NRG3: variants seen among roughly 807,000 people sequenced by gnomAD.
NRG3 encodes pro-neuregulin-3, membrane-bound isoform.
Under a neutral mutation model 66.9 loss-of-function variants are expected in NRG3, and 31 were observed. The observed-to-expected ratio is 0.46, with a 90% confidence interval of 0.35 to 0.63. The LOEUF is 0.63. Ranked by LOEUF, NRG3 falls within the 20% of genes least tolerant of loss-of-function variation. NRG3 has a pLI of 0.00. For missense variants in NRG3, 910 were observed against 878.9 expected (o/e 1.04, Z -0.45); for synonymous variants, 393 against 359.4 (o/e 1.09, Z -1.06).
intron 1 of NRG3, among the ~76,000 whole-genome samples, chr10:82,325,737 G>T (rs1246624054): frequency 1.3e-5 from 2 of 151,794 alleles, no homozygotes; most frequent in African/African-American, 2.4e-5. Flanking sequence ...CTGTCAAGTT[G>T]CAAGTAATAT....
chr10:82,533,214 G>A (rs1224011133), intron 2 of NRG3, among the ~76,000 whole-genome samples: 1 of 151,624 alleles, frequency 6.6e-6, no homozygotes, highest in African/African-American at 2.4e-5. Flanking sequence ...AACATATATG[G>A]TTTGCAAATA....
intron 1 of NRG3, among the ~76,000 whole-genome samples, chr10:82,222,150 A>G (rs1321967704): frequency 1.3e-5 from 2 of 152,044 alleles, no homozygotes; most frequent in Non-Finnish European, 2.9e-5. Flanking sequence ...TTTTATGTCA[A>G]GTAATACCTT....
At chr10:82,180,589 T>C (rs1252052790) in intron 1 of NRG3, among the ~76,000 whole-genome samples, 1 of 151,940 alleles carries the variant, frequency 6.6e-6, no homozygotes, top group East Asian at 1.9e-4. Context: ...TAGGGATAAA[T>C]TCCACTTGGT....
intron 3 of NRG3, among the ~76,000 whole-genome samples, chr10:82,797,324 A>C (rs1345717144): frequency 6.6e-6 from 1 of 152,156 alleles, no homozygotes; most frequent in African/African-American, 2.4e-5. Context: ...AACAACTTTT[A>C]AAGTTTATAA....
intron 2 of NRG3, among the ~76,000 whole-genome samples, chr10:82,464,512 C>G (rs1420602156): frequency 6.6e-6 from 1 of 152,136 alleles, no homozygotes; most frequent in African/African-American, 2.4e-5. Flanking sequence ...AAGAGCCAGC[C>G]TTCCTTGCCA....
chr10:81,913,007 AATT>A (rs1181079920), intron 1 of NRG3, among the ~76,000 whole-genome samples: 1 of 152,228 alleles, frequency 6.6e-6, no homozygotes. Context: ...TAGACAAGCT[AATT>A]AATGTCCCCT....
intron 2 of NRG3, among the ~76,000 whole-genome samples, chr10:82,706,993 CAAA>C (rs200718701): frequency 1.6e-5 from 2 of 123,306 alleles, no homozygotes; most frequent in African/African-American, 3.1e-5. Flanking sequence ...GACTCCATCT[CAAA>C]AAAAAAAAAT....
At chr10:82,219,743 C>T (rs939700870) in intron 1 of NRG3, among the ~76,000 whole-genome samples, 4 of 151,978 alleles carry the variant, frequency 2.6e-5, no homozygotes, top group Admixed American at 2.6e-4. Context: ...GTTCTAGATT[C>T]TCAATAGTCT....
intron 6 of NRG3, among the ~76,000 whole-genome samples, chr10:82,972,295 A>G (rs571684817): frequency 3.9e-5 from 6 of 152,190 alleles, no homozygotes; most frequent in Admixed American, 6.5e-5. Context: ...CATTGTCTTT[A>G]TTCTCAACAA....
chr10:82,738,405 GAA>G (rs2058259746), intron 2 of NRG3, among the ~76,000 whole-genome samples, 170 bp from the exon 3 acceptor site: 1 of 152,158 alleles, frequency 6.6e-6, no homozygotes, highest in African/African-American at 2.4e-5. Flanking sequence ...TTTTGGCAAA[GAA>G]ATAGAATTGA....
At chr10:82,737,619 C>G (rs371003025) in intron 2 of NRG3, among the ~76,000 whole-genome samples, 4 of 152,184 alleles carry the variant, frequency 2.6e-5, no homozygotes, top group African/African-American at 9.7e-5. Flanking sequence ...TGCTTCCCTG[C>G]TGAACTCGAG....
intron 1 of NRG3, among the ~76,000 whole-genome samples, chr10:82,090,475 A>G (rs952358571): frequency 1.3e-5 from 2 of 152,258 alleles, no homozygotes; most frequent in Non-Finnish European, 2.9e-5. Flanking sequence ...GAAAAGCAAC[A>G]AAGTATGAGG....
At chr10:82,858,080 A>G (rs946386600) in intron 3 of NRG3, among the ~76,000 whole-genome samples, 4 of 151,304 alleles carry the variant, frequency 2.6e-5, no homozygotes, top group African/African-American at 7.3e-5. Context: ...TGGCTGCCAC[A>G]CTCCTTCCTG....
intron 1 of NRG3, among the ~76,000 whole-genome samples, chr10:82,236,860 C>T (rs1016382787): frequency 1.3e-5 from 2 of 151,868 alleles, no homozygotes; most frequent in Admixed American, 6.6e-5. Context: ...GGACTACAGA[C>T]GCCCACCACA....
intron 2 of NRG3, among the ~76,000 whole-genome samples, chr10:82,731,068 C>T (rs1236368707): frequency 6.6e-6 from 1 of 152,030 alleles, no homozygotes; most frequent in East Asian, 1.9e-4. Context: ...AGTCTGCAGT[C>T]AAGAAATATC....
intron 1 of NRG3, among the ~76,000 whole-genome samples, chr10:81,977,340 A>G (rs2060161751): frequency 6.6e-6 from 1 of 152,166 alleles, no homozygotes; most frequent in South Asian, 2.1e-4. Context: ...TTTCTCTGGC[A>G]TCTAGATCAT....
intron 2 of NRG3, among the ~76,000 whole-genome samples, chr10:82,575,976 G>C: frequency 6.6e-6 from 1 of 151,660 alleles, no homozygotes; most frequent in Admixed American, 6.6e-5. Context: ...AAAATGTTCT[G>C]AGAGTCATCT....
chr10:81,989,343 A>G (rs796561044), intron 1 of NRG3, among the ~76,000 whole-genome samples: 32 of 152,262 alleles, frequency 2.1e-4, no homozygotes, highest in African/African-American at 7.5e-4. Flanking sequence ...GACATCTAGT[A>G]TAAGATCACC....
chr10:82,954,668 CCTT>C (rs1237118968), intron 5 of NRG3, among the ~76,000 whole-genome samples: 3 of 151,880 alleles, frequency 2.0e-5, no homozygotes, highest in Admixed American at 6.5e-5. Context: ...GGGTGCATTT[CCTT>C]CTTCTAGTAC....
Sources: gnomAD v4.1 joint callset for allele counts (sites outside exome capture counted in the v4.1 genomes callset) on GRCh38, gnomAD v4.1.1 for gene constraint, MANE v1.5 for transcripts, NCBI Gene and HGNC (gene_info 2026-07-23, HGNC 2026-07-21) for gene names.